CAMKMT: variants seen among roughly 807,000 people sequenced by gnomAD.
CAMKMT encodes the protein CaM KMT.
A neutral mutation model predicts 48.0 loss-of-function variants in CAMKMT; 53 were observed. The ratio of observed to expected loss-of-function variants is 1.10; its 90% CI spans 0.89 to 1.39. CAMKMT has a LOEUF of 1.39. CAMKMT is among the 40% of genes most tolerant of loss of function. The probability of loss-of-function intolerance (pLI) is 0.00; values close to 1 mark genes in which losing one functional copy is unlikely to be tolerated. For missense variants in CAMKMT, 428 were observed against 402.7 expected (o/e 1.06, Z -0.54); for synonymous variants, 165 against 152.3 (o/e 1.08, Z -0.61).
At chr2:44,759,092 A>G (rs1236785889) in intron 9 of CAMKMT, among the ~76,000 whole-genome samples, 1 of 152,210 alleles carries the variant, frequency 6.6e-6, no homozygotes, top group Non-Finnish European at 1.5e-5. Context: ...AAGGTGTGCT[A>G]TAAATGTAAA....
At chr2:44,636,508 C>G (rs1237064768) in intron 3 of CAMKMT, among the ~76,000 whole-genome samples, 2 of 152,130 alleles carry the variant, frequency 1.3e-5, no homozygotes, top group African/African-American at 4.8e-5. Flanking sequence ...CAGCTGAGAA[C>G]CTGACTGGAA....
chr2:44,512,211 A>C (rs904880094), intron 3 of CAMKMT, among the ~76,000 whole-genome samples: 11 of 152,292 alleles, frequency 7.2e-5, no homozygotes, highest in African/African-American at 1.9e-4. Context: ...TACACAAGAC[A>C]AAAAAGGGGC....
chr2:44,648,002 G>A (rs978113630), intron 3 of CAMKMT, among the ~76,000 whole-genome samples: 1 of 151,358 alleles, frequency 6.6e-6, no homozygotes, highest in African/African-American at 2.4e-5. Flanking sequence ...AGGAAAAAGT[G>A]GAGATTAAAA....
intron 3 of CAMKMT, among the ~76,000 whole-genome samples, chr2:44,505,650 C>A (rs1476979797): frequency 1.3e-5 from 2 of 152,084 alleles, no homozygotes; most frequent in Non-Finnish European, 2.9e-5. Context: ...TCCTCATCAT[C>A]TTACCATTGA....
At chr2:44,533,757 G>C (rs1010448520) in intron 3 of CAMKMT, among the ~76,000 whole-genome samples, 2 of 152,036 alleles carry the variant, frequency 1.3e-5, no homozygotes, top group Non-Finnish European at 2.9e-5. Context: ...GAAGAGGAAG[G>C]ACTCAAATGT....
chr2:44,364,987 C>A (rs1678438951), intron 1 of CAMKMT, among the ~76,000 whole-genome samples: 2 of 152,168 alleles, frequency 1.3e-5, no homozygotes, highest in Non-Finnish European at 2.9e-5. Context: ...CAACTCCTTC[C>A]TTGGAGGTGA....
rs369927044 is a variant in CAMKMT at position 44,428,105 on chromosome 2, G to A, written c.376+37800G>A. ...TGTTAACCAGCTCAGTGGAGGGTCA[G>A]GGTGACAGCTTTTTACACCCTGCCC... On this transcript the variant is annotated intron_variant, in intron 3 of 10. Transcript: ENST00000378494. Among the ~76,000 whole-genome samples, 58 of 152,252 alleles carry A rather than the reference G, an allele frequency of 3.8e-4. No individual in the cohort carries two copies. The East Asian group carries it at 8.1e-3, about 21-fold the overall frequency.
intron 3 of CAMKMT, among the ~76,000 whole-genome samples, chr2:44,576,845 C>G (rs1241318011): frequency 6.6e-6 from 1 of 152,094 alleles, no homozygotes; most frequent in African/African-American, 2.4e-5. Context: ...ATTAAATAGC[C>G]CCATGGCTTC....
intron 3 of CAMKMT, among the ~76,000 whole-genome samples, chr2:44,407,682 T>C (rs1043515310): frequency 6.6e-6 from 1 of 152,170 alleles, no homozygotes; most frequent in Non-Finnish European, 1.5e-5. Flanking sequence ...GCAGAAGATA[T>C]GGGTTGAGCC....
chr2:44,608,070 C>CTT lies in CAMKMT; in HGVS notation c.377-96194_377-96193dup, dbSNP rs10587945. ...CAATAGATATTTAAAATATATTTTC[C>CTT]TTTTTTTTTTTTTTTTTTTTGAGAC... On this transcript the variant is annotated intron_variant, in intron 3 of 10. Transcript: ENST00000378494. Among the ~76,000 whole-genome samples, 49 of 111,932 alleles carry CTT rather than the reference C, an allele frequency of 4.4e-4. 1 individual carries two copies. Among genetic ancestry groups the CTT allele is most frequent in the African/African-American group, 1.1e-3 (33 of 29,906 alleles). The allele number at this position is 111,932 out of a possible 152,430, so 73.4% of individuals were successfully genotyped here. A position where few individuals can be genotyped will look rare whatever the true frequency, so the allele number is the denominator to read the frequency against.
chr2:44,455,051 A>G (rs1161432302), intron 3 of CAMKMT, among the ~76,000 whole-genome samples: 1 of 152,164 alleles, frequency 6.6e-6, no homozygotes, highest in Non-Finnish European at 1.5e-5. Flanking sequence ...CTGCTTCTCT[A>G]TGGCATCATG....
intron 3 of CAMKMT, among the ~76,000 whole-genome samples, chr2:44,669,949 T>G (rs1675234004): frequency 6.6e-6 from 1 of 152,196 alleles, no homozygotes; most frequent in South Asian, 2.1e-4. Context: ...ATTATGGTTT[T>G]AATCTGTATT....
intron 3 of CAMKMT, among the ~76,000 whole-genome samples, chr2:44,540,159 CAT>C (rs34285842): frequency 4.7e-5 from 7 of 149,762 alleles, no homozygotes; most frequent in East Asian, 3.9e-4. Context: ...TATGTATATA[CAT>C]ATATATATAT....
intron 3 of CAMKMT, among the ~76,000 whole-genome samples, chr2:44,467,996 T>C (rs1668216390): frequency 6.6e-6 from 1 of 151,886 alleles, no homozygotes; most frequent in African/African-American, 2.4e-5. Flanking sequence ...AAAGCAAAAA[T>C]AGACAAATAG....
chr2:44,527,088 G>GT lies in CAMKMT; in HGVS notation c.376+136799dup, dbSNP rs35522958. On this transcript the variant is annotated intron_variant, in intron 3 of 10. Coordinates refer to ENST00000378494, the MANE Select transcript of CAMKMT (RefSeq NM_024766.5). ...CCTTATTCCTTGACAACCACCCCCA[G>GT]TTTTTTTTTTTTTTTTCTTTCTAAG... 8.8e-3 allele frequency among the ~76,000 whole-genome samples: 1,149 copies of GT among 130,574 alleles called. 6 individuals are homozygous for GT. The highest frequency in any genetic ancestry group is 0.013 in the Non-Finnish European group (808 of 61,218). 85.7% of individuals were successfully genotyped at this position (130,574 alleles called of 152,430 possible). A position where few individuals can be genotyped will look rare whatever the true frequency, so the allele number is the denominator to read the frequency against.
intron 3 of CAMKMT, among the ~76,000 whole-genome samples, chr2:44,527,793 C>T (rs563004575): frequency 7.3e-6 from 1 of 136,356 alleles, no homozygotes; most frequent in South Asian, 2.8e-4. Flanking sequence ...CAGCCCCCCC[C>T]CCCATTATCA....
At chr2:44,501,744 A>G (rs934354706) in intron 3 of CAMKMT, among the ~76,000 whole-genome samples, 1 of 152,120 alleles carries the variant, frequency 6.6e-6, no homozygotes, top group Non-Finnish European at 1.5e-5. Context: ...GGAGCTGGGC[A>G]TGGTGGCTCG....
intron 8 of CAMKMT, among the ~76,000 whole-genome samples, chr2:44,752,150 C>G (rs1397989047): frequency 1.3e-5 from 2 of 152,048 alleles, no homozygotes; most frequent in South Asian, 2.1e-4. Flanking sequence ...TTTTGGCATC[C>G]TGGATATTCC....
intron 6 of CAMKMT, among the ~76,000 whole-genome samples, chr2:44,709,225 A>C (rs60058165): frequency 0.012 from 1,892 of 152,230 alleles, 34 homozygotes; most frequent in African/African-American, 0.042. Context: ...TGGTCCTCAG[A>C]AGCTCAGCCC....
Sources: allele counts gnomAD v4.1 joint callset (sites outside exome capture counted in the v4.1 genomes callset), GRCh38; gene constraint gnomAD v4.1.1; transcripts MANE v1.5; gene names NCBI Gene and HGNC (gene_info 2026-07-23, HGNC 2026-07-21).